Variants in CPM observed in about 807,000 individuals in gnomAD.
The protein encoded by CPM is carboxypeptidase M.
CPM carries 35 observed loss-of-function variants against 46.4 expected under a neutral mutation model. That is an observed-to-expected ratio of 0.75 (90% CI 0.58 to 1.00). The LOEUF (loss-of-function observed/expected upper bound fraction) is 1.00. Among genes scored for constraint, CPM ranks in the 50% least tolerant of loss-of-function variants. CPM has a pLI of 0.00. For synonymous variants in CPM, 195 were observed against 195.3 expected, an observed-to-expected ratio of 1.00 and a Z score of 0.01; for missense variants, 422 against 530.4, an observed-to-expected ratio of 0.80 and a Z score of 2.01.
At chr12:68,944,577 T>C (rs1052790639) in intron 1 of CPM, among the ~76,000 whole-genome samples, 1 of 152,124 alleles carries the variant, frequency 6.6e-6, no homozygotes, top group Non-Finnish European at 1.5e-5. Context: ...ATAATTTATT[T>C]TTTGTAGATA....
intron 2 of CPM, among the ~76,000 whole-genome samples, chr12:68,917,246 G>A (rs578194736): frequency 3.6e-4 from 55 of 152,200 alleles, no homozygotes; most frequent in Middle Eastern, 3.4e-3. Context: ...GGTCTCAGCC[G>A]TGAGACCTCT....
intron 1 of CPM, among the ~76,000 whole-genome samples, chr12:68,952,100 G>T (rs1404322032): frequency 1.3e-5 from 2 of 152,200 alleles, no homozygotes; most frequent in Non-Finnish European, 2.9e-5. Flanking sequence ...ATATCCAAGT[G>T]ATAATAAGGG....
At chr12:68,845,048 G>A (rs187742885) in intron 5 of CPM, 13 of 207,530 alleles carry the variant, frequency 6.3e-5, no homozygotes, top group African/African-American at 3.0e-4. Flanking sequence ...GATTACAGGC[G>A]TGAGCCGCCA....
intron 2 of CPM, among the ~76,000 whole-genome samples, chr12:68,909,067 A>G (rs1344353942): frequency 6.6e-6 from 1 of 152,184 alleles, no homozygotes; most frequent in African/African-American, 2.4e-5. Context: ...AAATGCTACT[A>G]ATTATTAAGT....
intron 3 of CPM, among the ~76,000 whole-genome samples, chr12:68,880,550 A>C (rs73338418): frequency 1.4e-3 from 220 of 152,338 alleles, no homozygotes; most frequent in African/African-American, 4.9e-3. Flanking sequence ...AATTTGAGAT[A>C]GATCATAGAT....
At chr12:68,935,190 G>A (rs921436441), upstream of CPM, among the ~76,000 whole-genome samples, 4 of 151,952 alleles carry the variant, frequency 2.6e-5, no homozygotes, top group African/African-American at 7.3e-5. Context: ...GATTACAGGC[G>A]TGAGCCACCG....
intron 6 of CPM, among the ~76,000 whole-genome samples, chr12:68,868,696 C>A (rs572238263): frequency 2.0e-5 from 3 of 152,158 alleles, no homozygotes; most frequent in Admixed American, 2.0e-4. Context: ...TGGGGGCCCT[C>A]CTCCCACTGT....
At chr12:68,935,530 A>AAC (rs1257630177), upstream of CPM, among the ~76,000 whole-genome samples, 1 of 151,766 alleles carries the variant, frequency 6.6e-6, no homozygotes, top group Admixed American at 6.6e-5. Context: ...GCCTCAAGTG[A>AAC]TCCTTCTGCC....
chr12:68,910,302 A>G (rs1565792577), intron 2 of CPM, among the ~76,000 whole-genome samples: 2 of 152,238 alleles, frequency 1.3e-5, no homozygotes, highest in Non-Finnish European at 1.5e-5. Flanking sequence ...AACCTCTAAC[A>G]TAACACACAT....
At chr12:68,918,614 A>G (rs1887908265) in intron 2 of CPM, among the ~76,000 whole-genome samples, 1 of 151,788 alleles carries the variant, frequency 6.6e-6, no homozygotes, top group Non-Finnish European at 1.5e-5. Flanking sequence ...ATCCAATCTA[A>G]TCCAATCCAA....
Position 68,885,786 on chromosome 12 carries a change from A to G in CPM, c.258+6T>C. On this transcript the variant is annotated splice_donor_region_variant and intron_variant, in intron 3 of 8. Coordinates refer to ENST00000551568, the MANE Select transcript of CPM (RefSeq NM_198320.5). Reference sequence around the variant, plus strand: ...GACATTTCAGAAATTCAAGCCACATACGTACCTCATCTCCATGCATATTTG... The same window carrying G: ...GACATTTCAGAAATTCAAGCCACATGCGTACCTCATCTCCATGCATATTTG... The G allele has an allele frequency of 6.2e-7, 1 of 1,611,356 alleles. No individual in the cohort carries two copies. Among genetic ancestry groups the G allele is most frequent in the Non-Finnish European group, 8.5e-7 (1 of 1,177,656 alleles).
In CPM at chr12:68,946,668, A is replaced by T. The variant is rs1289789049; in HGVS notation, c.-3-13828T>A. ...AGTCTGAAAAGTCTGAAAACATGTC[A>T]TTCCAGTCAAAGCCTTGGTAAAATA... On this transcript the variant is annotated intron_variant, in intron 1 of 8. Coordinates refer to the CPM transcript ENST00000546373. Among the ~76,000 whole-genome samples the T allele has an allele frequency of 3.9e-5, 6 of 152,238 alleles. 2 individuals carry two copies. The highest frequency in any genetic ancestry group is 3.9e-4 in the Admixed American group (6 of 15,288).
At chr12:68,948,457 T>A (rs1292420765) in intron 1 of CPM, among the ~76,000 whole-genome samples, 1 of 152,050 alleles carries the variant, frequency 6.6e-6, no homozygotes, top group Admixed American at 6.6e-5. Flanking sequence ...CCCATCAGAT[T>A]ATGTGTTGTT....
At chr12:68,912,811 AGCAAGCCTCAGGGTTTTG>A (rs1168584567) in intron 2 of CPM, among the ~76,000 whole-genome samples, 1 of 152,322 alleles carries the variant, frequency 6.6e-6, no homozygotes, top group East Asian at 1.9e-4. Flanking sequence ...CTGCTGATTG[AGCAAGCCTCAGGGTTTTG>A]GCAGCCTGGG....
intron 1 of CPM, among the ~76,000 whole-genome samples, chr12:68,955,344 C>T (rs893741672): frequency 3.9e-5 from 6 of 152,304 alleles, no homozygotes; most frequent in South Asian, 2.1e-4. Context: ...CTGCCTGGTG[C>T]GTAGTAGAAG....
chr12:68,945,379 C>T (rs1888829745), intron 1 of CPM, among the ~76,000 whole-genome samples: 1 of 152,200 alleles, frequency 6.6e-6, no homozygotes, highest in Non-Finnish European at 1.5e-5. Context: ...TTAGACTTTT[C>T]TTGCTGTCAT....
At chr12:68,936,249 A>G (rs1209216241), upstream of CPM, among the ~76,000 whole-genome samples, 27 of 152,204 alleles carry the variant, frequency 1.8e-4, no homozygotes, top group Admixed American at 1.8e-3. Flanking sequence ...GTATATGTAC[A>G]TTCAAGTTTA....
chr12:68,941,289 A>C (rs1888757153), intron 1 of CPM, among the ~76,000 whole-genome samples: 1 of 152,098 alleles, frequency 6.6e-6, no homozygotes, highest in Non-Finnish European at 1.5e-5. Context: ...AAGTCACCCC[A>C]AATAGTGTGA....
rs555229976 is a variant in CPM at position 68,953,529 on chromosome 12, ATATACT to A, written c.-4+9634_-4+9639del. ...TTACAAAATACCTACTATGTACTTG[ATATACT>A]TATCATTCTCTGTTTTGAATTCATT... On this transcript the variant is annotated intron_variant, in intron 1 of 8. Coordinates refer to the CPM transcript ENST00000546373. Among the ~76,000 whole-genome samples, 20 of 152,202 alleles carry A rather than the reference ATATACT, an allele frequency of 1.3e-4. No homozygotes were observed. In the East Asian group the frequency reaches 3.9e-3, roughly 29 times the overall value.
Sources: gnomAD v4.1 joint callset for allele counts (sites outside exome capture counted in the v4.1 genomes callset) on GRCh38, gnomAD v4.1.1 for gene constraint, MANE v1.5 for transcripts, NCBI Gene and HGNC (gene_info 2026-07-23, HGNC 2026-07-21) for gene names.